Variants in PRKDC observed in about 807,000 individuals in gnomAD.
PRKDC encodes DNA-dependent protein kinase catalytic subunit.
A neutral mutation model predicts 486.9 loss-of-function variants in PRKDC; 82 were observed. The observed-to-expected ratio is 0.17, with a 90% CI of 0.14 to 0.20. The LOEUF (loss-of-function observed/expected upper bound fraction) is 0.20. Among genes scored for constraint, PRKDC ranks in the 10% least tolerant of loss-of-function variants. PRKDC has a pLI of 1.00. For missense variants in PRKDC, 4,504 were observed against 5,038.2 expected (o/e 0.89, Z 3.21); for synonymous variants, 1,895 against 1,837.0 (o/e 1.03, Z -0.81).
rs1378903025 is a variant in PRKDC at position 47,800,984 on chromosome 8, C to T, written c.9925G>A (p.Glu3309Lys). ...TVLKTVSLLD[E>K]NNVSSYLSKN... Reference sequence around the variant, plus strand: ...CTTAAGTAGCTTGACACGTTGTTCTCATCTGTTGGATTAAAAAAACAAAAC... The same window carrying T: ...CTTAAGTAGCTTGACACGTTGTTCTTATCTGTTGGATTAAAAAAACAAAAC... The change falls in exon 71 of 86, where the codon GAG becomes AAG. Residue 3309 changes from glutamate to lysine, a missense_variant and splice_region_variant. By Grantham distance (56) the Glu-to-Lys change is moderately conservative. Around this residue, in one of 6 missense-constraint regions of PRKDC, gnomAD observed 1,592 missense variants for 1,724.6 expected, o/e 0.92. Coordinates refer to ENST00000314191, the MANE Select transcript of PRKDC (RefSeq NM_006904.7). 6.2e-7 allele frequency: 1 copy of T among 1,613,318 alleles called. No individual in the cohort carries two copies.
rs750499158 is a variant in PRKDC at position 47,859,693 on chromosome 8, T to C, written c.6125A>G (p.Gln2042Arg). 2 of 1,613,740 alleles carry C rather than the reference T, an allele frequency of 1.2e-6. No individual in the cohort carries two copies. Among genetic ancestry groups the C allele is most frequent in the Middle Eastern group, 1.6e-4 (1 of 6,084 alleles). ...CTGAACTCCGGTTGAGAAATCAAATTGACTCATTTCCTCACTCAGGGTACT... is the reference window on the plus strand; with the variant it reads ...CTGAACTCCGGTTGAGAAATCAAATCGACTCATTTCCTCACTCAGGGTACT... Reference protein sequence around the residue: ...ADSTLSEEMSQFDFSTGVQSY... With the variant: ...ADSTLSEEMSRFDFSTGVQSY... Residue 2042 changes from glutamine to arginine, a missense_variant, in exon 46 of 86, where the codon CAA (glutamine) becomes CGA (arginine). Gln to Arg is a conservative substitution (Grantham distance 43). This residue lies in a region of PRKDC where 1,592 missense variants were observed against 1,724.6 expected (regional missense o/e 0.92). Transcript: ENST00000314191.
chr8:47,882,707 G>A (rs2089247444), intron 36 of PRKDC, among the ~76,000 whole-genome samples: 1 of 152,216 alleles, frequency 6.6e-6, no homozygotes, highest in Non-Finnish European at 1.5e-5. Flanking sequence ...GCAACAGAGT[G>A]ACAGGCTAAT....
chr8:47,811,715 G>A (rs1203013771), intron 68 of PRKDC, among the ~76,000 whole-genome samples: 1 of 152,084 alleles, frequency 6.6e-6, no homozygotes, highest in African/African-American at 2.4e-5. Context: ...GGTGGTTCAC[G>A]CCTGTAATCC....
At chr8:47,779,621 A>T (rs1478729562) in intron 80 of PRKDC, among the ~76,000 whole-genome samples, 16 of 152,238 alleles carry the variant, frequency 1.1e-4, no homozygotes, top group South Asian at 6.2e-4. Flanking sequence ...ATGGGAGTCT[A>T]GCTCTGTCGC....
rs2088108688 is a variant in PRKDC, at chr8:47,840,138, T to C, written c.7332A>G (p.Pro2444=). ...CTCGGAGTTCTACTGGTTTTAACTT[T>C]GGCATCATCTTATAAATTATGTCCA... ...VCLDIIYKMM[P]KLKPVELREL... The change falls in exon 55 of 86, where the codon CCA becomes CCG. Residue 2444 remains proline (P), a synonymous_variant. Coordinates refer to ENST00000314191, the MANE Select transcript of PRKDC (RefSeq NM_006904.7). 1.1e-5 allele frequency: 17 copies of C among 1,600,206 alleles called. No homozygotes were observed. Among genetic ancestry groups the C allele is most frequent in the Non-Finnish European group, 1.5e-5 (17 of 1,172,170 alleles).
chr8:47,895,363 A>G (rs908661559), intron 30 of PRKDC, among the ~76,000 whole-genome samples: 2 of 152,220 alleles, frequency 1.3e-5, no homozygotes, highest in African/African-American at 2.4e-5. Context: ...AGGCTCACCT[A>G]CTACCTAGCA....
rs1589818656 is a variant in PRKDC, at chr8:47,954,661, G to A, written c.400-215C>T. Reference sequence around the variant, plus strand: ...CCAGCTTATCTGGGAATTAGAGGTTGAGATGGGTATGGTGGAAGAACATCA... The same window carrying A: ...CCAGCTTATCTGGGAATTAGAGGTTAAGATGGGTATGGTGGAAGAACATCA... On this transcript the variant is annotated intron_variant, in intron 4 of 85. Transcript: ENST00000314191. Among the ~76,000 whole-genome samples the A allele has an allele frequency of 2.6e-5, 4 of 152,310 alleles. No homozygotes were observed. In the East Asian group the frequency reaches 7.7e-4, roughly 29 times the overall value.
rs1406748783 is a variant in PRKDC at position 47,824,040 on chromosome 8, AT to A, written c.8784-45del. On this transcript the variant is annotated intron_variant, in intron 63 of 85. Coordinates refer to ENST00000314191, the MANE Select transcript of PRKDC (RefSeq NM_006904.7). ...AGGCCAAATCAATGAACACTCCAGT[AT>A]TTTAAAAGTATTTATTCTAATGAAA... 7 of 1,452,242 alleles carry A rather than the reference AT, an allele frequency of 4.8e-6. 1 individual carries two copies. Among genetic ancestry groups the A allele is most frequent in the Non-Finnish European group, 6.4e-6 (7 of 1,091,476 alleles). The allele number at this position is 1,452,242 out of a possible 1,614,324, so 90.0% of individuals were successfully genotyped here. A position where few individuals can be genotyped will look rare whatever the true frequency, so the allele number is the denominator to read the frequency against.
intron 16 of PRKDC, among the ~76,000 whole-genome samples, chr8:47,931,210 G>T (rs983975501): frequency 6.6e-6 from 1 of 152,216 alleles, no homozygotes; most frequent in Admixed American, 6.5e-5. Flanking sequence ...TTTTAAACAC[G>T]CTAAGTTTGT....
In PRKDC at chr8:47,834,287, C is replaced by G. The variant is rs1563758449; in HGVS notation, c.8061G>C (p.Arg2687Ser). ...CTGACTTCAAGGGTGCTCTCTGTAACCTTTCACTCCTCTTGTGGGCAAACA... is the reference window on the plus strand; with the variant it reads ...CTGACTTCAAGGGTGCTCTCTGTAAGCTTTCACTCCTCTTGTGGGCAAACA... ...SLLFAHKRSE[R>S]LQRAPLKSVG... is the part of the protein sequence containing the mutation. The change falls in exon 59 of 86, where the codon AGG (arginine) becomes AGC (serine). Residue 2687 changes from arginine to serine, a missense_variant. This residue lies in a region of PRKDC where 1,592 missense variants were observed against 1,724.6 expected (regional missense o/e 0.92). Transcript: ENST00000314191. The G allele has an allele frequency of 6.2e-7, 1 of 1,613,886 alleles. No homozygotes were observed. The highest frequency in any genetic ancestry group is 1.3e-5 in the African/African-American group (1 of 74,924).
chr8:47,777,902 A>T (rs779371790), intron 83 of PRKDC, 28 bp from the exon 84 acceptor site: 8 of 1,602,732 alleles, frequency 5.0e-6, no homozygotes, highest in Middle Eastern at 3.3e-4. Context: ...CAAGGAGCAG[A>T]ATATGTAAGC....
At chr8:47,911,542 T>G (rs2089903260) in intron 25 of PRKDC, among the ~76,000 whole-genome samples, 2 of 152,236 alleles carry the variant, frequency 1.3e-5, no homozygotes, top group African/African-American at 4.8e-5. Context: ...AACATACTGC[T>G]GGACTATATC....
At chr8:47,958,985 C>T (rs1315174000) in intron 1 of PRKDC, 1 of 152,258 alleles carries the variant, frequency 6.6e-6, no homozygotes, top group African/African-American at 2.4e-5. Context: ...ATCCAGCTGC[C>T]ACAGCCTCCC....
At chr8:47,917,160 C>A (rs1481074092) in intron 22 of PRKDC, among the ~76,000 whole-genome samples, 1 of 151,982 alleles carries the variant, frequency 6.6e-6, no homozygotes, top group Non-Finnish European at 1.5e-5. Flanking sequence ...GTGGCTGAGG[C>A]GGGAGGATCA....
chr8:47,875,588 T>A lies in PRKDC; in HGVS notation c.5363+2136A>T, dbSNP rs188336162. On this transcript the variant is annotated intron_variant, in intron 40 of 85. Coordinates refer to ENST00000314191, the MANE Select transcript of PRKDC (RefSeq NM_006904.7). ...CCCTCTGAACACCTATTTAGTTGCA[T>A]CACATTTGGATAAGCTTTATTCTTA... 1.9e-4 allele frequency among the ~76,000 whole-genome samples: 29 copies of A among 152,362 alleles called. No homozygotes were observed. In the East Asian group the frequency reaches 5.4e-3, roughly 28 times the overall value.
chr8:47,914,089 T>C (rs1650052549), intron 23 of PRKDC, 25 bp from the exon 24 acceptor site: 2 of 1,420,500 alleles, frequency 1.4e-6, no homozygotes, highest in African/African-American at 2.9e-5. Flanking sequence ...TTAAGAAGAA[T>C]GAAACACTTT....
chr8:47,813,392 A>AAGCCTCCTAAAGGG (rs1284745805), intron 68 of PRKDC, among the ~76,000 whole-genome samples: 29 of 152,226 alleles, frequency 1.9e-4, no homozygotes, highest in African/African-American at 4.3e-4. Context: ...TGCTGGGATT[A>AAGCCTCCTAAAGGG]CAGGTGTAAG....
chr8:47,794,685 A>G (rs1396874675), intron 73 of PRKDC, among the ~76,000 whole-genome samples, 184 bp from the exon 74 acceptor site: 1 of 152,244 alleles, frequency 6.6e-6, no homozygotes, highest in African/African-American at 2.4e-5. Flanking sequence ...CTTTCTGTGC[A>G]GGAGAACAGT....
chr8:47,845,634 C>T (rs2088246810), intron 54 of PRKDC, among the ~76,000 whole-genome samples: 1 of 150,200 alleles, frequency 6.7e-6, no homozygotes, highest in Non-Finnish European at 1.5e-5. Flanking sequence ...AAAACCTGAA[C>T]AGACCAATCA....
Sources: allele counts gnomAD v4.1 joint callset (sites outside exome capture counted in the v4.1 genomes callset), GRCh38; gene constraint gnomAD v4.1.1; regional missense constraint gnomAD v4.1.1; transcripts MANE v1.5; gene names NCBI Gene and HGNC (gene_info 2026-07-23, HGNC 2026-07-21).